Variants in MICAL3 observed in about 807,000 individuals in gnomAD.
MICAL3 encodes [F-actin]-monooxygenase MICAL3.
MICAL3 carries 62 observed loss-of-function variants against 207.4 expected under a neutral mutation model. The ratio of observed to expected loss-of-function variants is 0.30; its 90% CI spans 0.24 to 0.37. MICAL3 has a LOEUF of 0.37. MICAL3 is among the 10% of genes least tolerant of loss of function. MICAL3 has a pLI of 1.00. For missense variants in MICAL3, 2,368 were observed against 2,635.6 expected, an observed-to-expected ratio of 0.90 and a Z score of 2.22; for synonymous variants, 1,077 against 1,069.3, an observed-to-expected ratio of 1.01 and a Z score of -0.14.
intron 19 of MICAL3, among the ~76,000 whole-genome samples, chr22:17,848,099 G>C (rs1008505210): frequency 6.6e-6 from 1 of 152,212 alleles, no homozygotes; most frequent in Non-Finnish European, 1.5e-5. Context: ...ATGTAAGGAA[G>C]AGAAATGTGA....
chr22:17,934,602 G>A (rs919428158), intron 1 of MICAL3, among the ~76,000 whole-genome samples: 7 of 152,152 alleles, frequency 4.6e-5, no homozygotes, highest in African/African-American at 7.2e-5. Context: ...TGGAAGTTCT[G>A]GACAGGGCAA....
intron 11 of MICAL3, among the ~76,000 whole-genome samples, chr22:17,893,181 T>C (rs2146237566): frequency 6.6e-6 from 1 of 152,136 alleles, no homozygotes; most frequent in South Asian, 2.1e-4. Context: ...CCCTTCTTCA[T>C]CCCCAGCATC....
chr22:18,024,085 G>C (rs1156351780), intron 1 of MICAL3, among the ~76,000 whole-genome samples, 196 bp downstream of exon 1: 2 of 152,230 alleles, frequency 1.3e-5, no homozygotes, highest in Non-Finnish European at 2.9e-5. Flanking sequence ...CGGATACTGG[G>C]TGTCTTTCCC....
In MICAL3 at chr22:17,818,880, A is replaced by G. The variant is rs866761389; in HGVS notation, c.3781T>C (p.Cys1261Arg). Residue 1261 changes from cysteine to arginine, a missense_variant, in exon 26 of 32, where the codon TGC (cysteine) becomes CGC (arginine). By Grantham distance (180) the Cys-to-Arg change is radical. Around this residue, in one of 4 missense-constraint regions of MICAL3, gnomAD observed 1,770 missense variants for 1,863.2 expected, o/e 0.95. Coordinates refer to ENST00000441493, the MANE Select transcript of MICAL3 (RefSeq NM_015241.3). ...TCGGTGGAAGGCTGGGGCTGGGAGC[A>G]GATGGGGAGTGGGCTGGGTGGGGGC... The part of the protein sequence containing the change: ...STPPPSPLPI[C>R]SQPQPSTEAT... 2 of 1,398,930 alleles carry G rather than the reference A, an allele frequency of 1.4e-6. No individual in the cohort carries two copies. The highest frequency in any genetic ancestry group is 1.9e-6 in the Non-Finnish European group (2 of 1,045,826). The allele number at this position is 1,398,930 out of a possible 1,614,324, so 86.7% of individuals were successfully genotyped here. A position where few individuals can be genotyped will look rare whatever the true frequency, so the allele number is the denominator to read the frequency against.
In MICAL3 at chr22:17,900,813, C is replaced by T. The variant is rs1454598836; in HGVS notation, c.847+29G>A. 6.2e-7 allele frequency: 1 copy of T among 1,610,652 alleles called. No homozygotes were observed. The highest frequency in any genetic ancestry group is 1.3e-5 in the African/African-American group (1 of 74,714). ...CACCAGGGACTATTTAAGTTTCTAT[C>T]CTAGGGCTCCGGAGACATCAACACC... On this transcript the variant is annotated intron_variant, in intron 6 of 31. Coordinates refer to ENST00000441493, the MANE Select transcript of MICAL3 (RefSeq NM_015241.3). This position sits in a 1 kb window ranked among gnomAD's most constrained non-coding sequence, Gnocchi z 4.0.
chr22:17,835,793 G>C (rs1923298045), intron 20 of MICAL3, among the ~76,000 whole-genome samples: 1 of 152,232 alleles, frequency 6.6e-6, no homozygotes, highest in South Asian at 2.1e-4. Context: ...CTGTGAGATT[G>C]CTTGATTGGG....
intron 22 of MICAL3, 102 bp from the exon 23 acceptor site, chr22:17,823,162 A>G: frequency 1.3e-6 from 1 of 770,228 alleles, no homozygotes. Context: ...GGGCGCTGCC[A>G]TGCAGGCCCC....
At position 17,996,883 on chromosome 22, in the gene MICAL3, C is replaced by T. The variant is rs564823613; in HGVS notation, c.-75+27398G>A. Among the ~76,000 whole-genome samples, 9 of 152,244 alleles carry T rather than the reference C, an allele frequency of 5.9e-5. No homozygotes were observed. In the East Asian group the frequency reaches 1.7e-3, roughly 29 times the overall value. ...CTGAGGGCCTTATTCACCGCACAGA[C>T]TTTAGCCCAAGTGCCATGCCTCCAG... On this transcript the variant is annotated intron_variant, in intron 1 of 31. Coordinates refer to ENST00000441493, the MANE Select transcript of MICAL3 (RefSeq NM_015241.3).
At chr22:17,995,931 C>T (rs1460684714) in intron 1 of MICAL3, among the ~76,000 whole-genome samples, 3 of 151,930 alleles carry the variant, frequency 2.0e-5, no homozygotes, top group South Asian at 2.1e-4. Flanking sequence ...GAGGCTGAGG[C>T]AGGCAAATTG....
rs1931148216 is a variant in MICAL3, at chr22:17,899,555, C to T, written c.848-7G>A. The T allele has an allele frequency of 3.8e-6, 6 of 1,572,092 alleles. No homozygotes were observed. Among genetic ancestry groups the T allele is most frequent in the Non-Finnish European group, 5.2e-6 (6 of 1,150,666 alleles). On this transcript the variant is annotated splice_polypyrimidine_tract_variant and splice_region_variant and intron_variant, in intron 6 of 31. Coordinates refer to ENST00000441493, the MANE Select transcript of MICAL3 (RefSeq NM_015241.3). The stretch of plus-strand genomic sequence containing the variant: ...ATGTTCTCCAAGTCAATACCTGGGG[C>T]CAGAAGACAAACGTGTGCATGTAAG...
intron 1 of MICAL3, among the ~76,000 whole-genome samples, chr22:18,000,569 G>A (rs114081914): frequency 0.034 from 5,141 of 152,304 alleles, 299 homozygotes; most frequent in African/African-American, 0.12. Flanking sequence ...GTCTCGCTGC[G>A]GCTGGCTTTC....
At chr22:17,876,783 AGG>A (rs1928450680) in intron 16 of MICAL3, 1 of 135,698 alleles carries the variant, frequency 7.4e-6, no homozygotes, top group African/African-American at 3.1e-5. Context: ...TATGGAGGTT[AGG>A]GAGGTTAGGG....
intron 1 of MICAL3, among the ~76,000 whole-genome samples, chr22:18,021,756 C>A (rs946745311): frequency 2.0e-5 from 3 of 152,148 alleles, no homozygotes; most frequent in Non-Finnish European, 2.9e-5. Flanking sequence ...TAGGGAGACC[C>A]TTCCTGGCCA....
chr22:17,801,558 G>C (rs539867557), intron 29 of MICAL3, among the ~76,000 whole-genome samples: 1 of 152,286 alleles, frequency 6.6e-6, no homozygotes, highest in African/African-American at 2.4e-5. Context: ...GGAGAAAGCA[G>C]CTCACTACCT....
At chr22:17,948,817 G>A (rs1015385416) in intron 1 of MICAL3, among the ~76,000 whole-genome samples, 1 of 151,292 alleles carries the variant, frequency 6.6e-6, no homozygotes, top group Non-Finnish European at 1.5e-5. Flanking sequence ...GGAGGCTGAG[G>A]TGGGAGGATA....
rs145176808 is a variant in MICAL3, at chr22:17,987,864, T to G, written c.-75+36417A>C. ...GCAAATGGGGTCAAACGATCAAATC[T>G]AATAAATCCAGGTAATAGATGGGGA... On this transcript the variant is annotated intron_variant, in intron 1 of 31. Transcript: ENST00000441493. 7.8e-3 allele frequency among the ~76,000 whole-genome samples: 1,185 copies of G among 152,328 alleles called. 16 individuals are homozygous for G. The highest frequency in any genetic ancestry group is 0.027 in the African/African-American group (1,124 of 41,558).
intron 21 of MICAL3, 47 bp from the exon 22 acceptor site, chr22:17,827,828 G>T (rs1341051423): frequency 2.0e-6 from 3 of 1,511,784 alleles, no homozygotes; most frequent in South Asian, 1.2e-5. Flanking sequence ...GGGGAAGGAG[G>T]GGATGAAATA....
chr22:17,799,281 C>T (rs1287617005), intron 29 of MICAL3, among the ~76,000 whole-genome samples: 1 of 152,164 alleles, frequency 6.6e-6, no homozygotes, highest in African/African-American at 2.4e-5. Context: ...ACTCAGGAGG[C>T]TGAGGCAGGA....
intron 1 of MICAL3, among the ~76,000 whole-genome samples, chr22:17,927,900 C>T (rs1932994122): frequency 6.6e-6 from 1 of 152,166 alleles, no homozygotes; most frequent in South Asian, 2.1e-4. Flanking sequence ...TCCTACAAGA[C>T]AGCAAGTGGC....
Sources: allele counts gnomAD v4.1 joint callset (sites outside exome capture counted in the v4.1 genomes callset), GRCh38; gene constraint gnomAD v4.1.1; regional missense constraint gnomAD v4.1.1; non-coding constraint Gnocchi (gnomAD v3.1); transcripts MANE v1.5; gene names NCBI Gene and HGNC (gene_info 2026-07-23, HGNC 2026-07-21).